The following RELN variants were observed in gnomAD, a reference collection of about 807,000 sequenced individuals.
RELN encodes reelin.
Under a neutral mutation model 427.6 loss-of-function variants are expected in RELN, and 108 were observed. The ratio of observed to expected loss-of-function variants is 0.25; its 90% CI spans 0.22 to 0.30. The LOEUF is 0.30. Ranked by LOEUF, RELN falls within the 10% of genes least tolerant of loss-of-function variation. The pLI, the probability that RELN is intolerant of heterozygous loss-of-function variation, is 1.00. For missense variants in RELN, 3,715 were observed against 4,302.8 expected, an observed-to-expected ratio of 0.86 and a Z score of 3.82; for synonymous variants, 1,524 against 1,513.4, an observed-to-expected ratio of 1.01 and a Z score of -0.16.
chr7:103,869,820 T>A (rs1232468082), intron 2 of RELN, among the ~76,000 whole-genome samples: 1 of 152,192 alleles, frequency 6.6e-6, no homozygotes, highest in Non-Finnish European at 1.5e-5. Flanking sequence ...TAACCATTAG[T>A]TTTTCAAATA....
chr7:103,859,043 G>A (rs982597051), intron 2 of RELN, among the ~76,000 whole-genome samples: 16 of 152,156 alleles, frequency 1.1e-4, no homozygotes, highest in African/African-American at 3.9e-4. Context: ...GGAGAATGTA[G>A]CAAATACTTG....
At chr7:103,624,985 T>A (rs543182630) in intron 20 of RELN, among the ~76,000 whole-genome samples, 7 of 152,216 alleles carry the variant, frequency 4.6e-5, no homozygotes, top group Non-Finnish European at 1.0e-4. Flanking sequence ...GTATCCATCT[T>A]TAAATCTTTT....
chr7:103,729,058 C>T (rs910135917), intron 6 of RELN, among the ~76,000 whole-genome samples: 14 of 152,104 alleles, frequency 9.2e-5, no homozygotes, highest in South Asian at 4.1e-4. Flanking sequence ...TGTATATTTA[C>T]GGTAACATTT....
rs1184663397 is a variant in RELN, at chr7:103,589,748, C to T, written c.3993G>A (p.Trp1331Ter). ...GGTAACAGCCTTCTTTCACCAGAAA[C>T]CAGGACATACCAGCATCATGAGAGT... ...LQYSHDAGMSWFLVKEGCYPA... is the reference protein window; with the variant it reads ...LQYSHDAGMS The change falls in exon 28 of 65, where the codon TGG becomes TGA. Residue 1331 changes from tryptophan (W) to a stop codon, truncating the protein, a stop_gained. Coordinates refer to ENST00000428762, the MANE Select transcript of RELN (RefSeq NM_005045.4). LOFTEE classifies it high-confidence loss of function. The T allele has an allele frequency of 6.2e-7, 1 of 1,613,830 alleles. No homozygotes were observed. Among genetic ancestry groups the T allele is most frequent in the Non-Finnish European group, 8.5e-7 (1 of 1,179,740 alleles).
At chr7:103,866,155 T>A (rs759718998) in intron 2 of RELN, among the ~76,000 whole-genome samples, 3 of 152,138 alleles carry the variant, frequency 2.0e-5, no homozygotes, top group African/African-American at 7.2e-5. Flanking sequence ...ATAATTCTTT[T>A]AAAAAATAAA....
chr7:103,896,970 A>G (rs997041305), intron 2 of RELN, among the ~76,000 whole-genome samples: 4 of 152,066 alleles, frequency 2.6e-5, no homozygotes, highest in African/African-American at 9.7e-5. Flanking sequence ...AGGCCTCACA[A>G]TCATGGCAGA....
At chr7:103,722,426 C>T (rs1218174837) in intron 8 of RELN, among the ~76,000 whole-genome samples, 5 of 152,080 alleles carry the variant, frequency 3.3e-5, no homozygotes, top group African/African-American at 4.8e-5. Flanking sequence ...GAGGGGGTTT[C>T]GCTCTAATGG....
At position 103,480,375 on chromosome 7, in the gene RELN, G is replaced by A. The variant is rs79568272; in HGVS notation, c.10281-1981C>T. Among the ~76,000 whole-genome samples the A allele has an allele frequency of 5.9e-5, 9 of 152,170 alleles. No individual in the cohort carries two copies. The East Asian group carries it at 1.7e-3, about 29-fold the overall frequency. Reference sequence around the variant, plus strand: ...TATATTTAATTTTTTGAATTATCTGGAACTTTATTTTGCGCTCATCAAATG... The same window carrying A: ...TATATTTAATTTTTTGAATTATCTGAAACTTTATTTTGCGCTCATCAAATG... On this transcript the variant is annotated intron_variant, in intron 63 of 64. Coordinates refer to ENST00000428762, the MANE Select transcript of RELN (RefSeq NM_005045.4).
chr7:103,622,147 T>A (rs1329455983), intron 20 of RELN, among the ~76,000 whole-genome samples: 1 of 152,260 alleles, frequency 6.6e-6, no homozygotes, highest in Non-Finnish European at 1.5e-5. Context: ...TCTGTCTCCT[T>A]ACTTCTGAAA....
chr7:103,902,256 C>A (rs1164285350), intron 2 of RELN, among the ~76,000 whole-genome samples: 1 of 151,980 alleles, frequency 6.6e-6, no homozygotes, highest in African/African-American at 2.4e-5. Flanking sequence ...TAACAGATTT[C>A]TCTGTTTTTG....
At chr7:103,597,633 ATC>A (rs1831568779) in intron 24 of RELN, among the ~76,000 whole-genome samples, 1 of 152,052 alleles carries the variant, frequency 6.6e-6, no homozygotes, top group Non-Finnish European at 1.5e-5. Flanking sequence ...CTTGAATCGA[ATC>A]TCTCAGGATC....
Position 103,717,317 on chromosome 7 carries a change from T to C in RELN, c.805+5823A>G, listed in dbSNP as rs567059992. On this transcript the variant is annotated intron_variant, in intron 8 of 64. Transcript: ENST00000428762. ...TATAAATATTATAGATAAATATACA[T>C]ATGTTTTATATATATATATTTCATT... is the stretch of plus-strand genomic sequence containing the variant. Among the ~76,000 whole-genome samples the C allele has an allele frequency of 4.0e-5, 6 of 149,320 alleles. No individual in the cohort carries two copies. In the South Asian group the frequency reaches 1.3e-3, roughly 31 times the overall value.
At chr7:103,652,848 G>A (rs1832951384) in intron 13 of RELN, 89 bp from the exon 14 acceptor site, 1 of 1,107,832 alleles carries the variant, frequency 9.0e-7, no homozygotes, top group Non-Finnish European at 1.4e-6. Context: ...TGAACGCTAT[G>A]TACATAACTG....
At chr7:103,577,029 G>A (rs988547125) in intron 28 of RELN, among the ~76,000 whole-genome samples, 6 of 152,140 alleles carry the variant, frequency 3.9e-5, no homozygotes, top group South Asian at 2.1e-4. Flanking sequence ...TCTCAGTTCC[G>A]CTATAATCAA....
chr7:103,709,264 C>T (rs1221916660), intron 8 of RELN, among the ~76,000 whole-genome samples: 3 of 152,122 alleles, frequency 2.0e-5, no homozygotes, highest in African/African-American at 7.2e-5. Flanking sequence ...CTCAGGGTGG[C>T]ACCAAGTATT....
chr7:103,640,482 C>T lies in RELN; in HGVS notation c.2069+61G>A. ...AAAAAGGTTATTAAATGACTTGCGA[C>T]TTCAACACATACATTACACATCAAA... On this transcript the variant is annotated intron_variant, in intron 17 of 64. Coordinates refer to ENST00000428762, the MANE Select transcript of RELN (RefSeq NM_005045.4). This position sits in a 1 kb window ranked among gnomAD's most constrained non-coding sequence, Gnocchi z 4.1. 1 of 1,547,710 alleles carries T rather than the reference C, an allele frequency of 6.5e-7. No homozygotes were observed. Among genetic ancestry groups the T allele is most frequent in the East Asian group, 2.3e-5 (1 of 44,414 alleles).
intron 1 of RELN, among the ~76,000 whole-genome samples, chr7:103,925,032 ACACACACG>A (rs1795701242): frequency 7.9e-6 from 1 of 126,844 alleles, no homozygotes; most frequent in Non-Finnish European, 1.7e-5. Context: ...ACACACACAC[ACACACACG>A]CTCACTCAGA....
chr7:103,491,549 CTG>C (rs901595560), intron 58 of RELN, among the ~76,000 whole-genome samples: 6 of 152,036 alleles, frequency 3.9e-5, no homozygotes, highest in African/African-American at 1.2e-4. Context: ...GGTTATTCCT[CTG>C]TAAGCAGCTG....
intron 20 of RELN, among the ~76,000 whole-genome samples, chr7:103,621,970 C>T (rs1468126148): frequency 1.3e-5 from 2 of 152,094 alleles, no homozygotes; most frequent in African/African-American, 2.4e-5. Context: ...GAGCTGAGAT[C>T]GTGACACTGC....
Sources: gnomAD v4.1 joint callset for allele counts (sites outside exome capture counted in the v4.1 genomes callset) on GRCh38, gnomAD v4.1.1 for gene constraint, Gnocchi (gnomAD v3.1) non-coding constraint, MANE v1.5 for transcripts, NCBI Gene and HGNC (gene_info 2026-07-23, HGNC 2026-07-21) for gene names.